HDAC9: variants seen among roughly 807,000 people sequenced by gnomAD.
HDAC9 encodes MEF-2 interacting transcription repressor (MITR) protein.
In HDAC9, 41 loss-of-function variants were observed where a neutral mutation model predicts 139.4. The observed-to-expected ratio is 0.29, with a 90% CI of 0.23 to 0.38. HDAC9 has a LOEUF of 0.38. Ranked by LOEUF, HDAC9 falls within the 10% of genes least tolerant of loss-of-function variation. HDAC9 has a pLI of 1.00. For synonymous variants in HDAC9, 517 were observed against 476.2 expected, an observed-to-expected ratio of 1.09 and a Z score of -1.12; for missense variants, 1,147 against 1,297.0, an observed-to-expected ratio of 0.88 and a Z score of 1.78.
At chr7:18,118,827 G>C (rs577775986) in intron 1 of HDAC9, among the ~76,000 whole-genome samples, 2 of 152,256 alleles carry the variant, frequency 1.3e-5, no homozygotes, top group Admixed American at 6.5e-5. Context: ...TGCTGAACTT[G>C]GAAGCTGGAC....
At chr7:18,634,001 G>C (rs1162764971) in intron 7 of HDAC9, among the ~76,000 whole-genome samples, 1 of 151,974 alleles carries the variant, frequency 6.6e-6, no homozygotes, top group Non-Finnish European at 1.5e-5. Context: ...TTAAATTTAG[G>C]CAACTTCTCA....
At chr7:18,700,102 AT>A (rs1420542795) in intron 12 of HDAC9, among the ~76,000 whole-genome samples, 1 of 152,150 alleles carries the variant, frequency 6.6e-6, no homozygotes, top group Non-Finnish European at 1.5e-5. Flanking sequence ...TTGTCCTGGC[AT>A]TGGAAGCTAC....
intron 12 of HDAC9, among the ~76,000 whole-genome samples, chr7:18,720,886 G>T (rs1339423428): frequency 6.6e-6 from 1 of 151,984 alleles, no homozygotes; most frequent in Non-Finnish European, 1.5e-5. Context: ...TCCCTATTTT[G>T]CCCAGGCTGG....
chr7:18,989,464 T>G (rs1479936839), intron 25 of HDAC9, among the ~76,000 whole-genome samples: 2 of 151,390 alleles, frequency 1.3e-5, no homozygotes, highest in African/African-American at 4.9e-5. Context: ...TAACCCGACC[T>G]TTCTCTCTGG....
chr7:18,732,733 GTA>G lies in HDAC9; in HGVS notation c.1909+4978_1909+4979del, dbSNP rs1441328225. On this transcript the variant is annotated intron_variant, in intron 13 of 25. Coordinates refer to ENST00000686413, the MANE Select transcript of HDAC9 (RefSeq NM_178425.4). Reference sequence around the variant, plus strand: ...TGCGTATGTGTACACACACACACGTGTATGTGTGCGTATGTGTACACACACGT... The same window carrying G: ...TGCGTATGTGTACACACACACACGTGTGTGTGCGTATGTGTACACACACGT... Among the ~76,000 whole-genome samples, 13 of 67,042 alleles carry G rather than the reference GTA, an allele frequency of 1.9e-4. 2 individuals carry two copies. Among genetic ancestry groups the G allele is most frequent in the Non-Finnish European group, 3.0e-4 (11 of 37,070 alleles). The allele number at this position is 67,042 out of a possible 152,430, so 44.0% of individuals were successfully genotyped here.
chr7:18,269,756 A>C (rs1439343653), intron 2 of HDAC9, among the ~76,000 whole-genome samples: 1 of 152,056 alleles, frequency 6.6e-6, no homozygotes, highest in Non-Finnish European at 1.5e-5. Flanking sequence ...ACATATATAC[A>C]CATATATATA....
intron 1 of HDAC9, among the ~76,000 whole-genome samples, chr7:18,307,606 C>T (rs1799013518): frequency 6.6e-6 from 1 of 152,042 alleles, no homozygotes; most frequent in Non-Finnish European, 1.5e-5. Context: ...AGTTGTGGGC[C>T]AGGCTGACCA....
At chr7:18,775,425 A>T (rs2129167451) in intron 16 of HDAC9, among the ~76,000 whole-genome samples, 1 of 152,202 alleles carries the variant, frequency 6.6e-6, no homozygotes, top group Non-Finnish European at 1.5e-5. Context: ...TGTATCGAGT[A>T]TCTTCCTGAC....
intron 2 of HDAC9, among the ~76,000 whole-genome samples, chr7:18,185,821 T>C (rs1375012713): frequency 6.6e-6 from 1 of 152,222 alleles, no homozygotes; most frequent in African/African-American, 2.4e-5. Context: ...CCAGCGATTA[T>C]CTCGGGCATT....
At chr7:18,894,419 G>A (rs1319087995) in intron 22 of HDAC9, among the ~76,000 whole-genome samples, 1 of 152,026 alleles carries the variant, frequency 6.6e-6, no homozygotes, top group Non-Finnish European at 1.5e-5. Flanking sequence ...GAGGCAAGCC[G>A]TTCAAAGAGG....
intron 24 of HDAC9, among the ~76,000 whole-genome samples, chr7:18,966,595 C>G (rs1010291544): frequency 6.6e-6 from 1 of 151,892 alleles, no homozygotes; most frequent in Admixed American, 6.6e-5. Context: ...CAGCTACTCA[C>G]GAGGCTGAGG....
Position 18,862,611 on chromosome 7 carries a change from CT to C in HDAC9, c.2685-11866del, listed in dbSNP as rs548521717. ...TTTTGGAGAAACCTCACCTTTCCCC[CT>C]CTCCATCTGGTTCATACAGTGTTCC... On this transcript the variant is annotated intron_variant, in intron 21 of 25. Transcript: ENST00000686413. 1.1e-3 allele frequency among the ~76,000 whole-genome samples: 166 copies of C among 152,278 alleles called. 1 individual carries two copies. The highest frequency in any genetic ancestry group is 3.8e-3 in the African/African-American group (159 of 41,566).
At chr7:18,982,737 C>T (rs2129342802) in intron 25 of HDAC9, among the ~76,000 whole-genome samples, 1 of 152,244 alleles carries the variant, frequency 6.6e-6, no homozygotes, top group East Asian at 1.9e-4. Context: ...TGCGTGTGTA[C>T]TGTATTTCTT....
intron 1 of HDAC9, among the ~76,000 whole-genome samples, chr7:18,099,841 T>C (rs1782733517): frequency 6.6e-6 from 1 of 152,228 alleles, no homozygotes; most frequent in South Asian, 2.1e-4. Flanking sequence ...ACTACATTCG[T>C]ATTTTATTAA....
intron 12 of HDAC9, chr7:18,667,610 C>T (rs1226361590): frequency 2.0e-6 from 2 of 985,170 alleles, no homozygotes; most frequent in Non-Finnish European, 2.4e-6. Context: ...TCCTGCTGTT[C>T]TCCTACAGAA....
At chr7:18,768,625 T>A (rs946550941) in intron 16 of HDAC9, among the ~76,000 whole-genome samples, 2 of 152,200 alleles carry the variant, frequency 1.3e-5, no homozygotes, top group Non-Finnish European at 2.9e-5. Flanking sequence ...ATGGCTGTTT[T>A]ATGAGAATGG....
intron 1 of HDAC9, among the ~76,000 whole-genome samples, chr7:18,390,448 T>C (rs906874378): frequency 6.6e-6 from 1 of 152,184 alleles, no homozygotes; most frequent in African/African-American, 2.4e-5. Flanking sequence ...TGTTTGGTTT[T>C]ATTCTTAGTT....
chr7:18,430,906 C>CAA (rs1190193660), intron 1 of HDAC9, among the ~76,000 whole-genome samples: 2 of 152,064 alleles, frequency 1.3e-5, no homozygotes, highest in African/African-American at 4.8e-5. Context: ...CCAAACCAAA[C>CAA]AAAACAAAAC....
At chr7:18,145,702 T>C (rs192182777) in intron 1 of HDAC9, among the ~76,000 whole-genome samples, 162 of 152,256 alleles carry the variant, frequency 1.1e-3, no homozygotes, top group African/African-American at 3.7e-3. Flanking sequence ...ATAAGGAACA[T>C]CTTTTAAATG....
Sources: gnomAD v4.1 joint callset for allele counts (sites outside exome capture counted in the v4.1 genomes callset) on GRCh38, gnomAD v4.1.1 for gene constraint, MANE v1.5 for transcripts, NCBI Gene and HGNC (gene_info 2026-07-23, HGNC 2026-07-21) for gene names.